RABGAP1L: variants seen among roughly 807,000 people sequenced by gnomAD.
RABGAP1L encodes the protein rab GTPase-activating protein 1-like.
RABGAP1L carries 63 observed loss-of-function variants against 137.7 expected under a neutral mutation model. The ratio of observed to expected loss-of-function variants is 0.46; its 90% CI spans 0.37 to 0.56. The LOEUF (loss-of-function observed/expected upper bound fraction) is 0.56, where lower values mean the gene tolerates loss of function less well. Among genes scored for constraint, RABGAP1L ranks in the 20% least tolerant of loss-of-function variants. The pLI, the probability that RABGAP1L is intolerant of heterozygous loss-of-function variation, is 0.00. For missense variants in RABGAP1L, 1,095 were observed against 1,244.0 expected (o/e 0.88, Z 1.80); for synonymous variants, 431 against 433.7 (o/e 0.99, Z 0.08).
intron 13 of RABGAP1L, among the ~76,000 whole-genome samples, chr1:174,421,511 C>T (rs1018804744): frequency 1.3e-5 from 2 of 152,176 alleles, no homozygotes; most frequent in Non-Finnish European, 2.9e-5. Context: ...CTAAGTTTCT[C>T]TCTGCTGTCA....
intron 10 of RABGAP1L, among the ~76,000 whole-genome samples, chr1:174,295,940 A>G (rs1677088869): frequency 1.3e-5 from 2 of 152,232 alleles, no homozygotes; most frequent in Admixed American, 1.3e-4. Flanking sequence ...GTTGAGAATG[A>G]TGAAAAGCAG....
chr1:174,827,116 G>A (rs560266050), intron 19 of RABGAP1L, among the ~76,000 whole-genome samples: 1 of 152,080 alleles, frequency 6.6e-6, no homozygotes, highest in East Asian at 1.9e-4. Flanking sequence ...TATATTATCT[G>A]TGTCCTAATC....
chr1:174,492,357 T>TTTC (rs1442382000), intron 13 of RABGAP1L, among the ~76,000 whole-genome samples: 2 of 149,390 alleles, frequency 1.3e-5, no homozygotes, highest in African/African-American at 5.0e-5. Flanking sequence ...ATTTTTTTTT[T>TTTC]TTTTTTTTGA....
chr1:174,315,076 G>A (rs1679239339), intron 11 of RABGAP1L, among the ~76,000 whole-genome samples: 1 of 152,112 alleles, frequency 6.6e-6, no homozygotes. Flanking sequence ...TCTGTCCAGT[G>A]CTCACAGTGG....
At chr1:174,347,534 C>T (rs1004528101) in intron 11 of RABGAP1L, among the ~76,000 whole-genome samples, 1 of 150,472 alleles carries the variant, frequency 6.6e-6, no homozygotes, top group Non-Finnish European at 1.5e-5. Context: ...GCTCTGTCAC[C>T]CAGACTGGAG....
intron 13 of RABGAP1L, among the ~76,000 whole-genome samples, chr1:174,409,855 G>A (rs537397014): frequency 6.6e-6 from 1 of 152,118 alleles, no homozygotes; most frequent in African/African-American, 2.4e-5. Flanking sequence ...CTCTGCTCTC[G>A]AACCCTGTTT....
At chr1:174,565,114 G>C (rs953911670) in intron 13 of RABGAP1L, among the ~76,000 whole-genome samples, 3 of 152,042 alleles carry the variant, frequency 2.0e-5, no homozygotes, top group African/African-American at 7.2e-5. Flanking sequence ...AGGGATTCGT[G>C]GTTTAATAGA....
intron 14 of RABGAP1L, among the ~76,000 whole-genome samples, chr1:174,664,146 C>T (rs1676583875): frequency 6.6e-6 from 1 of 152,066 alleles, no homozygotes; most frequent in Admixed American, 6.6e-5. Context: ...AATGTTGTGA[C>T]CAGGGGTTCT....
At chr1:174,956,224 C>G (rs1428748445) in intron 19 of RABGAP1L, among the ~76,000 whole-genome samples, 1 of 152,034 alleles carries the variant, frequency 6.6e-6, no homozygotes, top group African/African-American at 2.4e-5. Flanking sequence ...TTTTAAAAGA[C>G]AGGGTCTCAT....
At chr1:174,466,064 G>C (rs1571932068) in intron 13 of RABGAP1L, among the ~76,000 whole-genome samples, 1 of 152,164 alleles carries the variant, frequency 6.6e-6, no homozygotes, top group East Asian at 1.9e-4. Flanking sequence ...CCTTAGTGCA[G>C]CTCCACATGT....
At chr1:174,206,584 C>G (rs1416328582) in intron 1 of RABGAP1L, among the ~76,000 whole-genome samples, 1 of 152,150 alleles carries the variant, frequency 6.6e-6, no homozygotes, top group African/African-American at 2.4e-5. Flanking sequence ...AATCTTGACT[C>G]ACCCTTATAT....
intron 3 of RABGAP1L, among the ~76,000 whole-genome samples, chr1:174,223,890 A>G (rs1471629953): frequency 6.6e-6 from 1 of 152,234 alleles, no homozygotes; most frequent in Non-Finnish European, 1.5e-5. Context: ...ACAGGGTACC[A>G]GAAACAAACC....
chr1:174,702,062 GT>G lies in RABGAP1L; in HGVS notation c.2026-49del, dbSNP rs566285432. ...TTGCAGTTGTGGCAGGAACTTCATTGTTCTGCTGCAAGCTTCTCATTGCTCC... is the reference window on the plus strand; with the variant it reads ...TTGCAGTTGTGGCAGGAACTTCATTGTCTGCTGCAAGCTTCTCATTGCTCC... On this transcript the variant is annotated intron_variant, in intron 16 of 25. Transcript: ENST00000681986. The G allele has an allele frequency of 6.2e-4, 973 of 1,560,110 alleles. 15 individuals carry two copies. The South Asian group carries it at 0.011, about 18-fold the overall frequency.
At chr1:174,741,042 TTTG>T (rs1307073737) in intron 17 of RABGAP1L, among the ~76,000 whole-genome samples, 1 of 118,598 alleles carries the variant, frequency 8.4e-6, no homozygotes, top group African/African-American at 4.8e-5. Flanking sequence ...ATTTTTTTGT[TTTG>T]TTTTTTTTTT....
intron 13 of RABGAP1L, among the ~76,000 whole-genome samples, chr1:174,466,122 T>C (rs1164739560): frequency 1.3e-5 from 2 of 152,218 alleles, no homozygotes; most frequent in African/African-American, 2.4e-5. Flanking sequence ...AGTGAACTTA[T>C]TTAGGTCTAG....
At chr1:174,397,421 T>G (rs1423469365) in intron 13 of RABGAP1L, among the ~76,000 whole-genome samples, 1 of 152,122 alleles carries the variant, frequency 6.6e-6, no homozygotes, top group African/African-American at 2.4e-5. Flanking sequence ...GGTTACTGTT[T>G]CCTGTGGTTT....
intron 11 of RABGAP1L, among the ~76,000 whole-genome samples, chr1:174,350,959 A>T (rs1205294500): frequency 1.4e-3 from 108 of 77,400 alleles, no homozygotes; most frequent in African/African-American, 4.1e-3. Context: ...GCGTGCCTGC[A>T]ATCGCAGGCA....
At position 174,394,080 on chromosome 1, in the gene RABGAP1L, C is replaced by T. The variant is rs1647513461; in HGVS notation, c.1645C>T (p.Gln549Ter). The T allele has an allele frequency of 6.2e-7, 1 of 1,613,696 alleles. No homozygotes were observed. The highest frequency in any genetic ancestry group is 1.3e-5 in the African/African-American group (1 of 74,876). Residue 549 changes from glutamine (Q) to a stop codon, truncating the protein, a stop_gained, in exon 13 of 26, where the codon CAG (glutamine) becomes TAG (stop). Transcript: ENST00000681986. LOFTEE classifies it high-confidence loss of function. ...VPEALRAEVW[Q>*]LLAGCHDNQA... ...TGAAGCATTGAGGGCAGAGGTATGG[C>T]AGTTATTGGCAGGCTGCCATGACAA...
chr1:174,572,777 C>T (rs1668079809), intron 13 of RABGAP1L, among the ~76,000 whole-genome samples: 2 of 152,164 alleles, frequency 1.3e-5, no homozygotes, highest in African/African-American at 4.8e-5. Context: ...AAAGGATGCA[C>T]TAAGTTGAAA....
Sources: allele counts gnomAD v4.1 joint callset (sites outside exome capture counted in the v4.1 genomes callset), GRCh38; gene constraint gnomAD v4.1.1; transcripts MANE v1.5; gene names NCBI Gene and HGNC (gene_info 2026-07-23, HGNC 2026-07-21).